ARHGAP31: variants seen among roughly 807,000 people sequenced by gnomAD.
ARHGAP31 encodes Rho GTPase activating protein 31.
In ARHGAP31, 34 loss-of-function variants were observed where a neutral mutation model predicts 113.9. That is an observed-to-expected ratio of 0.30 (90% confidence interval 0.23 to 0.40). ARHGAP31 has a LOEUF of 0.40. Among genes scored for constraint, ARHGAP31 ranks in the 10% least tolerant of loss-of-function variants. The pLI, the probability that ARHGAP31 is intolerant of heterozygous loss-of-function variation, is 1.00. For synonymous variants in ARHGAP31, 650 were observed against 684.8 expected, an observed-to-expected ratio of 0.95 and a Z score of 0.79; for missense variants, 1,548 against 1,767.1, an observed-to-expected ratio of 0.88 and a Z score of 2.22.
intron 11 of ARHGAP31, among the ~76,000 whole-genome samples, chr3:119,413,576 T>C (rs895776424): frequency 6.6e-6 from 1 of 152,160 alleles, no homozygotes; most frequent in Non-Finnish European, 1.5e-5. Flanking sequence ...AGATAAATTG[T>C]TTAATCTATT....
chr3:119,387,821 G>A (rs2080466088), intron 6 of ARHGAP31, among the ~76,000 whole-genome samples: 1 of 152,182 alleles, frequency 6.6e-6, no homozygotes, highest in South Asian at 2.1e-4. Context: ...GGATATATAA[G>A]TTTACAAATA....
chr3:119,414,870 G>A lies in ARHGAP31; in HGVS notation c.2941G>A (p.Glu981Lys), dbSNP rs1207152267. The A allele has an allele frequency of 1.9e-6, 3 of 1,614,096 alleles. No individual in the cohort carries two copies. Among genetic ancestry groups the A allele is most frequent in the South Asian group, 1.1e-5 (1 of 91,084 alleles). ...SSSSCANLET[E>K]RNSDPLQPQA... ...CAGCAGCTGTGCTAATCTTGAAACA[G>A]AGAGGAATTCTGACCCTCTTCAGCC... Residue 981 changes from glutamate to lysine, a missense_variant, in exon 12 of 12, where the codon GAG becomes AAG. Physicochemically the swap from Glu to Lys is moderately conservative, Grantham distance 56 (BLOSUM62 1). Transcript: ENST00000264245.
At chr3:119,355,844 C>T (rs1407774506) in intron 1 of ARHGAP31, among the ~76,000 whole-genome samples, 1 of 152,140 alleles carries the variant, frequency 6.6e-6, no homozygotes, top group Non-Finnish European at 1.5e-5. Flanking sequence ...CATAGTATTC[C>T]ATGGTGTATA....
chr3:119,347,552 A>T lies in ARHGAP31; in HGVS notation c.101-17764A>T, dbSNP rs76226039. Among the ~76,000 whole-genome samples the T allele has an allele frequency of 1.3e-4, 20 of 152,236 alleles. No homozygotes were observed. The East Asian group carries it at 3.9e-3, about 29-fold the overall frequency. On this transcript the variant is annotated intron_variant, in intron 1 of 11. Coordinates refer to ENST00000264245, the MANE Select transcript of ARHGAP31 (RefSeq NM_020754.4). ...ACATGATCCTGACAGAGCTTTTAAAACACCAGTGTCTTCATGGAAGCTTTA... is the reference window on the plus strand; with the variant it reads ...ACATGATCCTGACAGAGCTTTTAAATCACCAGTGTCTTCATGGAAGCTTTA...
chr3:119,414,448 C>T lies in ARHGAP31; in HGVS notation c.2519C>T (p.Thr840Ile). Residue 840 changes from threonine (T) to isoleucine (I), a missense_variant, in exon 12 of 12, where the codon ACC (threonine) becomes ATC (isoleucine). By Grantham distance (89) the Thr-to-Ile change is moderately conservative. Coordinates refer to ENST00000264245, the MANE Select transcript of ARHGAP31 (RefSeq NM_020754.4). ...ISSLCQGEEA[T>I]PRHSDKQNSK... is the part of the protein sequence containing the mutation. ...AGCCTCTGTCAGGGAGAGGAGGCAACCCCAAGACACAGTGACAAGCAAAAT... is the reference window on the plus strand; with the variant it reads ...AGCCTCTGTCAGGGAGAGGAGGCAATCCCAAGACACAGTGACAAGCAAAAT... 1 of 1,614,198 alleles carries T rather than the reference C, an allele frequency of 6.2e-7. No homozygotes were observed. Among genetic ancestry groups the T allele is most frequent in the South Asian group, 1.1e-5 (1 of 91,086 alleles).
chr3:119,324,780 G>A, intron 1 of ARHGAP31: 2 of 375,824 alleles, frequency 5.3e-6, no homozygotes, highest in Non-Finnish European at 1.1e-5. Flanking sequence ...CAGCACAGTT[G>A]TATCTATTCT....
intron 1 of ARHGAP31, among the ~76,000 whole-genome samples, chr3:119,317,161 T>C (rs535724811): frequency 6.6e-6 from 1 of 151,890 alleles, no homozygotes; most frequent in Non-Finnish European, 1.5e-5. Context: ...GTATGGTATG[T>C]CACATTTCTA....
chr3:119,337,168 A>C (rs903273092), intron 1 of ARHGAP31, among the ~76,000 whole-genome samples: 6 of 152,182 alleles, frequency 3.9e-5, no homozygotes, highest in African/African-American at 1.2e-4. Context: ...GGACCCTGGC[A>C]GTGAGTGTTA....
chr3:119,399,144 T>G lies in ARHGAP31; in HGVS notation c.1007-55T>G, dbSNP rs368101298. ...ACTTAAACAGCCTGACCTATTTTTCTGAATGCTTTCTGTTAATATGCATTC... is the reference window on the plus strand; with the variant it reads ...ACTTAAACAGCCTGACCTATTTTTCGGAATGCTTTCTGTTAATATGCATTC... On this transcript the variant is annotated intron_variant, in intron 8 of 11. Transcript: ENST00000264245. 7.2e-6 allele frequency: 11 copies of G among 1,529,486 alleles called. No homozygotes were observed. In the South Asian group the frequency reaches 7.9e-5, roughly 11 times the overall value. The allele number at this position is 1,529,486 out of a possible 1,614,324, so 94.7% of individuals were successfully genotyped here. A position where few individuals can be genotyped will look rare whatever the true frequency, so the allele number is the denominator to read the frequency against.
intron 1 of ARHGAP31, among the ~76,000 whole-genome samples, chr3:119,320,922 T>C (rs2079777096): frequency 6.6e-6 from 1 of 152,118 alleles, no homozygotes; most frequent in Admixed American, 6.5e-5. Flanking sequence ...TGAGTAAGTC[T>C]CACGAGATCT....
chr3:119,331,774 C>T (rs999843698), intron 1 of ARHGAP31, among the ~76,000 whole-genome samples: 12 of 152,184 alleles, frequency 7.9e-5, no homozygotes, highest in African/African-American at 2.7e-4. Flanking sequence ...AAAATCAGGG[C>T]TGTCTTAAAG....
At chr3:119,347,578 C>CG (rs1424741692) in intron 1 of ARHGAP31, among the ~76,000 whole-genome samples, 1 of 152,150 alleles carries the variant, frequency 6.6e-6, no homozygotes, top group Non-Finnish European at 1.5e-5. Flanking sequence ...GGAAGCTTTA[C>CG]GGTGGCCTCC....
At chr3:119,324,871 G>T (rs1024352180) in intron 1 of ARHGAP31, 6 of 450,436 alleles carry the variant, frequency 1.3e-5, no homozygotes, top group Non-Finnish European at 2.2e-5. Flanking sequence ...AATAAACCAA[G>T]GTCTCTTGGT....
intron 1 of ARHGAP31, chr3:119,314,516 G>A (rs533756387): frequency 1.3e-5 from 2 of 152,546 alleles, no homozygotes; most frequent in East Asian, 1.9e-4. Flanking sequence ...TGTGTTGACC[G>A]AGTGGCTGGG....
chr3:119,415,658 T>G lies in ARHGAP31; in HGVS notation c.3729T>G (p.Thr1243=), dbSNP rs1559999762. Residue 1243 remains threonine (T), a synonymous_variant, in exon 12 of 12, where the codon ACT becomes ACG. Transcript: ENST00000264245. ...QEGPSSTSGT[T]QKPAKDDSPS... ...GACCCAGCTCAACCAGTGGGACCAC[T>G]CAGAAACCTGCCAAAGATGATTCTC... The G allele has an allele frequency of 1.2e-6, 2 of 1,614,016 alleles. No homozygotes were observed. Among genetic ancestry groups the G allele is most frequent in the Admixed American group, 1.7e-5 (1 of 60,018 alleles).
chr3:119,317,576 C>G (rs1224087452), intron 1 of ARHGAP31, among the ~76,000 whole-genome samples: 3 of 152,144 alleles, frequency 2.0e-5, no homozygotes, highest in Non-Finnish European at 2.9e-5. Flanking sequence ...TAGTTCTCAG[C>G]CCTCCTGCCA....
intron 1 of ARHGAP31, among the ~76,000 whole-genome samples, chr3:119,304,370 G>GA (rs2079612066): frequency 1.3e-5 from 2 of 152,142 alleles, no homozygotes; most frequent in Admixed American, 1.3e-4. Flanking sequence ...TTCACCAGGG[G>GA]AAAAATCAGT....
chr3:119,379,589 CAAATT>C (rs975147040), intron 3 of ARHGAP31, among the ~76,000 whole-genome samples: 3 of 139,160 alleles, frequency 2.2e-5, no homozygotes, highest in Admixed American at 2.1e-4. Context: ...CAATATTTAT[CAAATT>C]AATTAAGATA....
At chr3:119,393,271 G>A (rs1483654041) in intron 7 of ARHGAP31, among the ~76,000 whole-genome samples, 196 bp from the exon 8 acceptor site, 2 of 152,114 alleles carry the variant, frequency 1.3e-5, no homozygotes, top group Non-Finnish European at 2.9e-5. Flanking sequence ...TGTGACTCAT[G>A]AAAGCCTTGC....
Sources: allele counts gnomAD v4.1 joint callset (sites outside exome capture counted in the v4.1 genomes callset), GRCh38; gene constraint gnomAD v4.1.1; transcripts MANE v1.5; gene names NCBI Gene and HGNC (gene_info 2026-07-23, HGNC 2026-07-21).